C10orf90: variants seen among roughly 807,000 people sequenced by gnomAD.
The protein encoded by C10orf90 is (E2-independent) E3 ubiquitin-conjugating enzyme FATS.
C10orf90 carries 56 observed loss-of-function variants against 62.5 expected under a neutral mutation model. The ratio of observed to expected loss-of-function variants is 0.90; its 90% CI spans 0.72 to 1.12. The LOEUF (loss-of-function observed/expected upper bound fraction) is 1.12, where lower values mean the gene tolerates loss of function less well. C10orf90 is among the 50% of genes most tolerant of loss of function. C10orf90 has a pLI of 0.00. For synonymous variants in C10orf90, 386 were observed against 340.4 expected (o/e 1.13, Z -1.47); for missense variants, 970 against 880.4 (o/e 1.10, Z -1.29).
At chr10:126,662,251 C>A (rs1402585558) in intron 1 of C10orf90, among the ~76,000 whole-genome samples, 2 of 152,146 alleles carry the variant, frequency 1.3e-5, no homozygotes, top group Non-Finnish European at 2.9e-5. Context: ...CTCCTCGGGG[C>A]TCTACGTGAT....
chr10:126,575,266 T>C (rs60308333), intron 2 of C10orf90, among the ~76,000 whole-genome samples: 6,196 of 151,920 alleles, frequency 0.041, 422 homozygotes, highest in African/African-American at 0.14. Flanking sequence ...ATACTCTACC[T>C]AGAAACTCTT....
At chr10:126,651,040 G>C (rs1266047277) in intron 1 of C10orf90, among the ~76,000 whole-genome samples, 1 of 152,182 alleles carries the variant, frequency 6.6e-6, no homozygotes, top group Non-Finnish European at 1.5e-5. Context: ...GCTCCCATGA[G>C]CTTTGACTAA....
chr10:126,605,032 GCA>G (rs1257126197), intron 2 of C10orf90, among the ~76,000 whole-genome samples: 1 of 152,214 alleles, frequency 6.6e-6, no homozygotes, highest in Non-Finnish European at 1.5e-5. Flanking sequence ...GAAATGGATT[GCA>G]CACATTCAAA....
In C10orf90 at chr10:126,556,298, C is replaced by T. The variant is rs150956982; in HGVS notation, c.314-42359G>A. On this transcript the variant is annotated intron_variant, in intron 2 of 9. Transcript: ENST00000488181. ...TACAGAGGGACAAGGATGCAAGAAG[C>T]GAGATGGGAGGAGAGCTGAGTGGGG... Among the ~76,000 whole-genome samples the T allele has an allele frequency of 1.7e-3, 257 of 152,250 alleles. 7 individuals are homozygous for T. In the East Asian group the frequency reaches 0.042, roughly 25 times the overall value.
chr10:126,481,662 G>A (rs2133804895), intron 4 of C10orf90, among the ~76,000 whole-genome samples: 1 of 152,266 alleles, frequency 6.6e-6, no homozygotes, highest in South Asian at 2.1e-4. Context: ...CAGCGTTGGG[G>A]CTCAGAAAAC....
At chr10:126,636,620 C>A (rs2133837199) in intron 2 of C10orf90, among the ~76,000 whole-genome samples, 1 of 152,312 alleles carries the variant, frequency 6.6e-6, no homozygotes, top group East Asian at 1.9e-4. Flanking sequence ...TATTCCTTTT[C>A]TGCTGGGAAG....
At chr10:126,546,202 C>T (rs906713396) in intron 2 of C10orf90, among the ~76,000 whole-genome samples, 1 of 152,210 alleles carries the variant, frequency 6.6e-6, no homozygotes, top group Non-Finnish European at 1.5e-5. Flanking sequence ...CCACTCTACT[C>T]CAGCCAAACC....
At chr10:126,644,919 C>T (rs775765722) in intron 2 of C10orf90, among the ~76,000 whole-genome samples, 44 of 152,230 alleles carry the variant, frequency 2.9e-4, no homozygotes, top group Non-Finnish European at 5.3e-4. Context: ...CAAATGGATT[C>T]ATGTTCTCAC....
chr10:126,630,951 A>G (rs542364109), intron 2 of C10orf90, among the ~76,000 whole-genome samples: 27 of 152,076 alleles, frequency 1.8e-4, no homozygotes, highest in Non-Finnish European at 3.7e-4. Context: ...GCCCTCCTTC[A>G]TTCATACCGT....
At chr10:126,623,578 A>G (rs759156864) in intron 2 of C10orf90, among the ~76,000 whole-genome samples, 22 of 152,074 alleles carry the variant, frequency 1.4e-4, no homozygotes, top group Non-Finnish European at 2.6e-4. Flanking sequence ...ATAGTGACTC[A>G]TGCCTGTAAT....
chr10:126,474,611 G>C (rs1419588985), intron 4 of C10orf90, among the ~76,000 whole-genome samples: 1 of 152,110 alleles, frequency 6.6e-6, no homozygotes, highest in Non-Finnish European at 1.5e-5. Flanking sequence ...ACATATCTTG[G>C]AAAGAAATAT....
At chr10:126,440,752 T>C (rs1376828805) in intron 7 of C10orf90, among the ~76,000 whole-genome samples, 2 of 152,142 alleles carry the variant, frequency 1.3e-5, no homozygotes, top group Non-Finnish European at 2.9e-5. Context: ...GCCTGGAGCC[T>C]GGTAGACTTG....
chr10:126,612,270 G>A (rs1217873151), intron 2 of C10orf90, among the ~76,000 whole-genome samples: 2 of 151,394 alleles, frequency 1.3e-5, no homozygotes, highest in African/African-American at 4.9e-5. Flanking sequence ...GCAGTGAGCC[G>A]AGATCACACC....
At chr10:126,498,326 C>T (rs1472095124) in intron 4 of C10orf90, among the ~76,000 whole-genome samples, 1 of 152,200 alleles carries the variant, frequency 6.6e-6, no homozygotes, top group Non-Finnish European at 1.5e-5. Flanking sequence ...TCAATACCTT[C>T]ACTCCTGCCA....
intron 3 of C10orf90, among the ~76,000 whole-genome samples, chr10:126,508,153 G>A (rs1204258756): frequency 8.5e-6 from 1 of 117,072 alleles, no homozygotes; most frequent in Non-Finnish European, 1.7e-5. Flanking sequence ...GAGTGAATGA[G>A]TGAGTGAGAG....
intron 3 of C10orf90, among the ~76,000 whole-genome samples, chr10:126,507,904 C>T (rs1048979321): frequency 1.3e-5 from 2 of 152,080 alleles, no homozygotes; most frequent in Admixed American, 1.3e-4. Context: ...TGAAATGCAC[C>T]TGCTGCCTAT....
At chr10:126,472,966 G>A (rs2133773688) in intron 4 of C10orf90, among the ~76,000 whole-genome samples, 1 of 152,136 alleles carries the variant, frequency 6.6e-6, no homozygotes, top group African/African-American at 2.4e-5. Context: ...GTTTTTTTGT[G>A]GGTTTCTCCT....
At chr10:126,565,059 A>T (rs1257434353) in intron 2 of C10orf90, among the ~76,000 whole-genome samples, 23 of 19,978 alleles carry the variant, frequency 1.2e-3, no homozygotes, top group African/African-American at 1.7e-3. Flanking sequence ...TAATATATAA[A>T]ATATATATTA....
intron 2 of C10orf90, among the ~76,000 whole-genome samples, chr10:126,579,070 T>TA (rs1564880081): frequency 3.0e-4 from 45 of 149,348 alleles, no homozygotes; most frequent in East Asian, 7.8e-4. Flanking sequence ...AAGTTTTTTT[T>TA]TAAAAAAAAA....
Sources: allele counts gnomAD v4.1 joint callset (sites outside exome capture counted in the v4.1 genomes callset), GRCh38; gene constraint gnomAD v4.1.1; transcripts MANE v1.5; gene names NCBI Gene and HGNC (gene_info 2026-07-23, HGNC 2026-07-21).